Variants in VAV3 observed in about 807,000 individuals in gnomAD.
VAV3 encodes guanine nucleotide exchange factor VAV3.
In VAV3, 94 loss-of-function variants were observed where a neutral mutation model predicts 131.2. That is an observed-to-expected ratio of 0.72 (90% CI 0.61 to 0.85). VAV3 has a LOEUF of 0.85. VAV3 is among the 40% of genes least tolerant of loss of function. VAV3 has a pLI of 0.00. For missense variants in VAV3, 939 were observed against 1,002.7 expected, an observed-to-expected ratio of 0.94 and a Z score of 0.86; for synonymous variants, 349 against 342.0, an observed-to-expected ratio of 1.02 and a Z score of -0.22.
intron 19 of VAV3, among the ~76,000 whole-genome samples, chr1:107,650,521 CT>C (rs920278034): frequency 5.4e-5 from 8 of 149,266 alleles, no homozygotes; most frequent in East Asian, 2.0e-4. Context: ...GAGGTGGAGC[CT>C]TTTTTTTTAA....
chr1:107,873,651 A>G (rs1485447122), intron 2 of VAV3, among the ~76,000 whole-genome samples: 1 of 152,168 alleles, frequency 6.6e-6, no homozygotes, highest in Non-Finnish European at 1.5e-5. Context: ...TTCGTTGTAC[A>G]AATTATCATC....
At chr1:107,795,052 G>A (rs1188810071) in intron 2 of VAV3, among the ~76,000 whole-genome samples, 2 of 152,094 alleles carry the variant, frequency 1.3e-5, no homozygotes, top group Non-Finnish European at 2.9e-5. Context: ...AGAGAGGAGG[G>A]CACTGAAGTC....
intron 24 of VAV3, 143 bp from the exon 25 acceptor site, chr1:107,596,484 A>C: frequency 1.2e-6 from 1 of 806,968 alleles, no homozygotes; most frequent in Non-Finnish European, 1.9e-6. Flanking sequence ...AGCAAATGAT[A>C]ATCTCTCCCT....
rs573182351 is a variant in VAV3, at chr1:107,681,746, C to T, written c.1777+1742G>A. On this transcript the variant is annotated intron_variant, in intron 19 of 26. Coordinates refer to ENST00000370056, the MANE Select transcript of VAV3 (RefSeq NM_006113.5). ...TCGGCTCACTGCAAGTTCTGCCTCCCGGGCTCACGCCATTCTCCTGCCTCA... is the reference window on the plus strand; with the variant it reads ...TCGGCTCACTGCAAGTTCTGCCTCCTGGGCTCACGCCATTCTCCTGCCTCA... Among the ~76,000 whole-genome samples the T allele has an allele frequency of 2.6e-4, 39 of 151,438 alleles. No homozygotes were observed. The South Asian group carries it at 4.6e-3, about 18-fold the overall frequency.
chr1:107,598,823 C>CAT (rs60557678), intron 24 of VAV3, among the ~76,000 whole-genome samples: 6 of 151,760 alleles, frequency 4.0e-5, no homozygotes, highest in East Asian at 1.9e-4. Context: ...CACACACACA[C>CAT]GTATACATAA....
intron 25 of VAV3, chr1:107,578,899 A>G: frequency 2.0e-6 from 2 of 985,170 alleles, no homozygotes; most frequent in South Asian, 9.4e-5. Flanking sequence ...TAGAAGAGAG[A>G]AATGATAAGC....
At chr1:107,702,445 G>T (rs1465812299) in intron 17 of VAV3, among the ~76,000 whole-genome samples, 3 of 152,076 alleles carry the variant, frequency 2.0e-5, no homozygotes, top group Non-Finnish European at 4.4e-5. Context: ...GTAAGTAAAT[G>T]GAGTTCAAAA....
chr1:107,724,968 T>A (rs551194341), intron 15 of VAV3, among the ~76,000 whole-genome samples: 48 of 152,228 alleles, frequency 3.2e-4, no homozygotes, highest in South Asian at 6.2e-4. Context: ...CCAGATCATA[T>A]TTGTATTTAG....
At chr1:107,786,828 T>C (rs964050818) in intron 2 of VAV3, among the ~76,000 whole-genome samples, 1 of 152,200 alleles carries the variant, frequency 6.6e-6, no homozygotes, top group Non-Finnish European at 1.5e-5. Flanking sequence ...ACAAGTCCTT[T>C]AGCTGAATGC....
chr1:107,698,547 C>T (rs1659886865), intron 17 of VAV3, among the ~76,000 whole-genome samples: 1 of 152,192 alleles, frequency 6.6e-6, no homozygotes, highest in African/African-American at 2.4e-5. Context: ...TTAATGAGGA[C>T]ATAACCCCAT....
chr1:107,733,388 C>T (rs144041492), intron 15 of VAV3, among the ~76,000 whole-genome samples: 2,310 of 152,324 alleles, frequency 0.015, 63 homozygotes, highest in African/African-American at 0.053. Context: ...TGGAGAATGA[C>T]TTTGATGAGT....
At chr1:107,596,372 A>T in intron 24 of VAV3, 31 bp from the exon 25 acceptor site, 2 of 1,609,630 alleles carry the variant, frequency 1.2e-6, no homozygotes, top group Non-Finnish European at 1.7e-6. Context: ...CATATTTTTG[A>T]TAAGGATACT....
intron 2 of VAV3, among the ~76,000 whole-genome samples, chr1:107,829,451 A>C (rs1668153193): frequency 6.6e-6 from 1 of 152,210 alleles, no homozygotes; most frequent in Non-Finnish European, 1.5e-5. Context: ...AAAACCTAGG[A>C]GATTAAAGTT....
chr1:107,590,823 G>C (rs541062888), intron 25 of VAV3, among the ~76,000 whole-genome samples: 1 of 152,140 alleles, frequency 6.6e-6, no homozygotes, highest in African/African-American at 2.4e-5. Context: ...TGCAACTCAT[G>C]TTCAAAGCAT....
intron 2 of VAV3, among the ~76,000 whole-genome samples, chr1:107,850,887 T>C (rs1466138202): frequency 6.6e-6 from 1 of 152,114 alleles, no homozygotes; most frequent in Non-Finnish European, 1.5e-5. Context: ...TCCTTTCGTA[T>C]GGCTGCATAG....
At chr1:107,913,449 T>C (rs984158417) in intron 1 of VAV3, among the ~76,000 whole-genome samples, 1 of 152,208 alleles carries the variant, frequency 6.6e-6, no homozygotes. Flanking sequence ...ATAAAAACTT[T>C]AAATGCTCTA....
Position 107,761,319 on chromosome 1 carries a change from G to A in VAV3, c.922-440C>T, listed in dbSNP as rs567336502. 3.6e-4 allele frequency among the ~76,000 whole-genome samples: 55 copies of A among 151,332 alleles called. No individual in the cohort carries two copies. The East Asian group carries it at 7.6e-3, about 21-fold the overall frequency. On this transcript the variant is annotated intron_variant, in intron 9 of 26. Transcript: ENST00000370056. ...GAGGCAGGAGAATGGAGTGAACCCG[G>A]GAGGCGGAGCTTGCAGTGAGCTGAG...
chr1:107,920,526 T>C (rs530820576), intron 1 of VAV3, among the ~76,000 whole-genome samples: 57 of 152,340 alleles, frequency 3.7e-4, no homozygotes, highest in African/African-American at 1.2e-3. Flanking sequence ...ATCTCACAAA[T>C]GTGTATATCT....
intron 1 of VAV3, among the ~76,000 whole-genome samples, chr1:107,944,713 T>C (rs1235430143): frequency 6.6e-6 from 1 of 152,162 alleles, no homozygotes; most frequent in Non-Finnish European, 1.5e-5. Context: ...CAAGCAAATC[T>C]CCTGCCTCAG....
Sources: allele counts gnomAD v4.1 joint callset (sites outside exome capture counted in the v4.1 genomes callset), GRCh38; gene constraint gnomAD v4.1.1; transcripts MANE v1.5; gene names NCBI Gene and HGNC (gene_info 2026-07-23, HGNC 2026-07-21).